The following DNAAF9 variants were observed in gnomAD, a reference collection of about 807,000 sequenced individuals.
DNAAF9 encodes the protein shulin.
A neutral mutation model predicts 167.0 loss-of-function variants in DNAAF9; 90 were observed. The observed-to-expected ratio is 0.54, with a 90% CI of 0.45 to 0.64. DNAAF9 has a LOEUF of 0.64. Ranked by LOEUF, DNAAF9 falls within the 30% of genes least tolerant of loss-of-function variation. DNAAF9 has a pLI of 0.00. For synonymous variants in DNAAF9, 491 were observed against 508.8 expected, an observed-to-expected ratio of 0.96 and a Z score of 0.47; for missense variants, 1,315 against 1,442.2, an observed-to-expected ratio of 0.91 and a Z score of 1.43.
At chr20:3,272,050 TC>T (rs1381252155) in intron 29 of DNAAF9, among the ~76,000 whole-genome samples, 1 of 152,068 alleles carries the variant, frequency 6.6e-6, no homozygotes, top group Non-Finnish European at 1.5e-5. Flanking sequence ...ACCCAGCTCA[TC>T]CCCGGCTCCC....
chr20:3,386,004 A>G (rs190767456), intron 1 of DNAAF9, among the ~76,000 whole-genome samples: 2 of 152,326 alleles, frequency 1.3e-5, no homozygotes, highest in East Asian at 1.9e-4. Context: ...TAAAATTTAC[A>G]TAAGCCAGGA....
chr20:3,360,927 C>G (rs1304439412), intron 6 of DNAAF9, among the ~76,000 whole-genome samples: 1 of 152,182 alleles, frequency 6.6e-6, no homozygotes, highest in African/African-American at 2.4e-5. Context: ...CTGAGTAACC[C>G]TGGTGACTAT....
chr20:3,362,294 C>A, intron 6 of DNAAF9: 1 of 1,087,118 alleles, frequency 9.2e-7, no homozygotes, highest in Non-Finnish European at 1.4e-6. Flanking sequence ...TTGCAAGGGA[C>A]TTTTACTACT....
intron 1 of DNAAF9, among the ~76,000 whole-genome samples, chr20:3,385,511 G>C (rs753972631): frequency 2.4e-4 from 37 of 151,740 alleles, no homozygotes; most frequent in Non-Finnish European, 4.9e-4. Flanking sequence ...TCTAACTCCC[G>C]GACTCATGGG....
intron 25 of DNAAF9, 49 bp from the exon 26 acceptor site, chr20:3,290,266 T>C (rs557401181): frequency 1.1e-5 from 13 of 1,184,658 alleles, no homozygotes; most frequent in Admixed American, 1.7e-5. Context: ...CATTGCATTA[T>C]GTAAGAAGAG....
chr20:3,348,990 A>G (rs2070253546), intron 7 of DNAAF9, among the ~76,000 whole-genome samples: 1 of 152,084 alleles, frequency 6.6e-6, no homozygotes, highest in Non-Finnish European at 1.5e-5. Context: ...TAAATTCACT[A>G]AAAATCGTTG....
chr20:3,300,900 G>A (rs955510579), intron 21 of DNAAF9, among the ~76,000 whole-genome samples: 2 of 150,188 alleles, frequency 1.3e-5, no homozygotes, highest in African/African-American at 4.9e-5. Flanking sequence ...GCATAGAAAT[G>A]CAACTCATTT....
chr20:3,404,206 G>T (rs1223967965), intron 1 of DNAAF9, among the ~76,000 whole-genome samples: 1 of 152,026 alleles, frequency 6.6e-6, no homozygotes, highest in African/African-American at 2.4e-5. Flanking sequence ...ATTTTTTTGT[G>T]TGTATTTTTA....
In DNAAF9 at chr20:3,406,435, T is replaced by C. The variant is rs115558693; in HGVS notation, c.83+1040A>G. Among the ~76,000 whole-genome samples, 227 of 152,284 alleles carry C rather than the reference T, an allele frequency of 1.5e-3. 3 individuals are homozygous for C. The highest frequency in any genetic ancestry group is 5.6e-3 in the Admixed American group (85 of 15,304). ...AAACCCTCTCCTGTTTTAATGACAG[T>C]TTAGCAGTACCAAAGCTCATCGCTC... On this transcript the variant is annotated intron_variant, in intron 1 of 36. Transcript: ENST00000252032.
chr20:3,389,648 AAAC>A (rs2083798654), intron 1 of DNAAF9, among the ~76,000 whole-genome samples: 1 of 152,136 alleles, frequency 6.6e-6, no homozygotes, highest in Non-Finnish European at 1.5e-5. Context: ...GCATTATATA[AAAC>A]AAAAACAACA....
chr20:3,347,647 G>A (rs1274421803), intron 8 of DNAAF9, among the ~76,000 whole-genome samples: 1 of 152,020 alleles, frequency 6.6e-6, no homozygotes, highest in African/African-American at 2.4e-5. Flanking sequence ...TGTAAAGGTA[G>A]CCGGATGCGA....
At chr20:3,328,469 A>G (rs1206968380) in intron 12 of DNAAF9, among the ~76,000 whole-genome samples, 1 of 152,090 alleles carries the variant, frequency 6.6e-6, no homozygotes, top group Non-Finnish European at 1.5e-5. Context: ...TTATAGGCAT[A>G]AGCCACTGCA....
At chr20:3,352,736 C>T (rs2070348188) in intron 7 of DNAAF9, among the ~76,000 whole-genome samples, 1 of 151,950 alleles carries the variant, frequency 6.6e-6, no homozygotes, top group Admixed American at 6.6e-5. Context: ...CACTAGGTAT[C>T]TTCAGTACTG....
At chr20:3,375,207 C>T in intron 4 of DNAAF9, 81 bp from the exon 5 acceptor site, 2 of 894,864 alleles carry the variant, frequency 2.2e-6, no homozygotes, top group Middle Eastern at 5.1e-4. Context: ...TTTTGTCAAC[C>T]AGAGTTGTCC....
chr20:3,272,625 A>C (rs904588992), intron 29 of DNAAF9, among the ~76,000 whole-genome samples: 1 of 152,164 alleles, frequency 6.6e-6, no homozygotes, highest in Non-Finnish European at 1.5e-5. Context: ...AAACTTTATC[A>C]ATCTCCCATT....
intron 14 of DNAAF9, among the ~76,000 whole-genome samples, chr20:3,323,276 T>C (rs1303203203): frequency 5.1e-4 from 11 of 21,492 alleles, no homozygotes; most frequent in Non-Finnish European, 8.5e-4. Flanking sequence ...GAAGTAATCT[T>C]TTTTTTTTTT....
intron 30 of DNAAF9, among the ~76,000 whole-genome samples, chr20:3,265,765 C>T (rs2068480023): frequency 7.2e-6 from 1 of 139,652 alleles, no homozygotes; most frequent in Non-Finnish European, 1.6e-5. Context: ...GCAACCTCCG[C>T]CTCCTGAGTT....
intron 28 of DNAAF9, 128 bp from the exon 29 acceptor site, chr20:3,279,077 C>T: frequency 1.4e-6 from 1 of 705,336 alleles, no homozygotes; most frequent in Non-Finnish European, 2.5e-6. Context: ...GTGGCAGCAG[C>T]ACTGAGCACT....
At chr20:3,357,248 G>A (rs1360097670) in intron 7 of DNAAF9, among the ~76,000 whole-genome samples, 1 of 152,032 alleles carries the variant, frequency 6.6e-6, no homozygotes, top group Non-Finnish European at 1.5e-5. Context: ...GAGGTGGGCG[G>A]ACCACTTAAG....
Sources: allele counts gnomAD v4.1 joint callset (sites outside exome capture counted in the v4.1 genomes callset), GRCh38; gene constraint gnomAD v4.1.1; transcripts MANE v1.5; gene names NCBI Gene and HGNC (gene_info 2026-07-23, HGNC 2026-07-21).